PROSER2: variants seen among roughly 807,000 people sequenced by gnomAD.
The protein encoded by PROSER2 is proline and serine-rich protein 2.
A neutral mutation model predicts 14.6 loss-of-function variants in PROSER2; 18 were observed. That is an observed-to-expected ratio of 1.23 (90% CI 0.85 to 1.83). PROSER2 has a LOEUF of 1.83. Among genes scored for constraint, PROSER2 ranks in the 40% most tolerant of loss-of-function variants. The pLI is 0.00. For synonymous variants in PROSER2, 367 were observed against 286.4 expected (o/e 1.28, Z -2.84); for missense variants, 823 against 629.8 (o/e 1.31, Z -3.28).
intron 2 of PROSER2, among the ~76,000 whole-genome samples, chr10:11,859,450 G>T (rs1360187610): frequency 6.6e-6 from 1 of 152,118 alleles, no homozygotes; most frequent in Non-Finnish European, 1.5e-5. Flanking sequence ...AAAAAAATTT[G>T]TGAGAAGGGA....
chr10:11,856,113 C>T lies in PROSER2; in HGVS notation c.138+3898C>T, dbSNP rs945646694. On this transcript the variant is annotated intron_variant, in intron 2 of 3. Coordinates refer to ENST00000277570, the MANE Select transcript of PROSER2 (RefSeq NM_153256.4). This position sits in a 1 kb window ranked among gnomAD's most constrained non-coding sequence, Gnocchi z 5.3. ...GTGTGTGCAAGGCGGTGCTTCCTGA[C>T]AACGTCGGGAGTGTGCTTGTGGAGC... Among the ~76,000 whole-genome samples, 3 of 152,224 alleles carry T rather than the reference C, an allele frequency of 2.0e-5. No individual in the cohort carries two copies. The highest frequency in any genetic ancestry group is 4.8e-5 in the African/African-American group (2 of 41,458).
intron 1 of PROSER2, among the ~76,000 whole-genome samples, chr10:11,834,661 G>A (rs565450713): frequency 1.3e-5 from 2 of 152,210 alleles, no homozygotes; most frequent in African/African-American, 4.8e-5. Context: ...TTTGAACCCA[G>A]GTGGTGGAGG....
chr10:11,852,335 G>A, intron 2 of PROSER2, 120 bp downstream of exon 2: 1 of 1,095,398 alleles, frequency 9.1e-7, no homozygotes, highest in Non-Finnish European at 1.3e-6. Context: ...TTGATGTTCT[G>A]GAATACTTCT....
Position 11,862,810 on chromosome 10 carries a change from T to A in PROSER2, c.139-3721T>A, listed in dbSNP as rs1258274778. 6.6e-6 allele frequency: 1 copy of A among 151,978 alleles called. No homozygotes were observed. The highest frequency in any genetic ancestry group is 1.5e-5 in the Non-Finnish European group (1 of 68,006). The allele number at this position is 151,978 out of a possible 1,614,324, so 9.4% of individuals were successfully genotyped here. ...TATCCCAAACATTTCCGATGAGGAG[T>A]ACTCACCTGTATTATGGAGAAAAAA... On this transcript the variant is annotated intron_variant, in intron 2 of 3. Coordinates refer to ENST00000277570, the MANE Select transcript of PROSER2 (RefSeq NM_153256.4). The surrounding 1 kb of genome is among the most constrained non-coding windows in gnomAD (Gnocchi z 4.2).
chr10:11,852,230 T>C lies in PROSER2; in HGVS notation c.138+15T>C, dbSNP rs1303998357. The C allele has an allele frequency of 2.5e-6, 4 of 1,593,700 alleles. No individual in the cohort carries two copies. The highest frequency in any genetic ancestry group is 3.4e-6 in the Non-Finnish European group (4 of 1,167,574). ...GCTTCACTTTGGTGAGTGACAGTTT[T>C]TCTTTCATGCTTTCCTGTGCCTGGG... On this transcript the variant is annotated intron_variant, in intron 2 of 3. Coordinates refer to ENST00000277570, the MANE Select transcript of PROSER2 (RefSeq NM_153256.4).
At chr10:11,841,054 C>G (rs1298837596) in intron 1 of PROSER2, among the ~76,000 whole-genome samples, 1 of 128,798 alleles carries the variant, frequency 7.8e-6, no homozygotes, top group Non-Finnish European at 1.6e-5. Flanking sequence ...TTATTTGTTC[C>G]TTGAATGTTT....
intron 1 of PROSER2, among the ~76,000 whole-genome samples, chr10:11,840,637 A>G (rs1199541951): frequency 1.3e-5 from 2 of 152,006 alleles, no homozygotes; most frequent in Non-Finnish European, 2.9e-5. Context: ...TCAAAATTAG[A>G]TAGTGGGGGC....
rs2131052645 is a variant in PROSER2, at chr10:11,836,471, A to G, written c.-82+13001A>G. ...CTCGGCCTCCCAAAGTGCTGGGATT[A>G]CAGGTGTGAGCCACCACGCCTGGCC... On this transcript the variant is annotated intron_variant, in intron 1 of 3. Coordinates refer to ENST00000277570, the MANE Select transcript of PROSER2 (RefSeq NM_153256.4). The surrounding 1 kb of genome is among the most constrained non-coding windows in gnomAD (Gnocchi z 4.6). 6.6e-6 allele frequency among the ~76,000 whole-genome samples: 1 copy of G among 152,326 alleles called. No individual in the cohort carries two copies. The highest frequency in any genetic ancestry group is 1.5e-5 in the Non-Finnish European group (1 of 68,034).
intron 2 of PROSER2, among the ~76,000 whole-genome samples, chr10:11,853,702 G>A (rs1834072543): frequency 6.6e-6 from 1 of 152,140 alleles, no homozygotes; most frequent in Admixed American, 6.5e-5. Flanking sequence ...ATCTTGTTTG[G>A]ATCCATGCTC....
At chr10:11,864,028 G>GTCT (rs573392119) in intron 2 of PROSER2, among the ~76,000 whole-genome samples, 5 of 152,210 alleles carry the variant, frequency 3.3e-5, no homozygotes, top group Middle Eastern at 3.4e-3. Context: ...CTGGCTCCGT[G>GTCT]TCTTCTGTCT....
chr10:11,837,419 G>C lies in PROSER2; in HGVS notation c.-82+13949G>C, dbSNP rs1320443782. On this transcript the variant is annotated intron_variant, in intron 1 of 3. Transcript: ENST00000277570. This position sits in a 1 kb window ranked among gnomAD's most constrained non-coding sequence, Gnocchi z 4.6. ...CACGAGCTCCGATTGCTGGCAGACG[G>C]GTTGGGATTGGTGCTGTCTGCAGAT... 6.6e-6 allele frequency among the ~76,000 whole-genome samples: 1 copy of C among 152,214 alleles called. No homozygotes were observed. The highest frequency in any genetic ancestry group is 1.5e-5 in the Non-Finnish European group (1 of 68,042).
At position 11,869,451 on chromosome 10, in the gene PROSER2, G is replaced by A. The variant is rs1433701110; in HGVS notation, c.392-39G>A. On this transcript the variant is annotated intron_variant, in intron 3 of 3. Transcript: ENST00000277570. The surrounding 1 kb of genome is among the most constrained non-coding windows in gnomAD (Gnocchi z 4.4). ...GGGAACTTCATGCATTTACTTTCAC[G>A]TGGGCCGGTGGCTCACAGGCTCCTC... 3.3e-6 allele frequency: 5 copies of A among 1,493,252 alleles called. No homozygotes were observed. The highest frequency in any genetic ancestry group is 2.8e-5 in the African/African-American group (2 of 72,538). The allele number at this position is 1,493,252 out of a possible 1,614,324, so 92.5% of individuals were successfully genotyped here.
At chr10:11,858,566 T>C (rs1834168687) in intron 2 of PROSER2, among the ~76,000 whole-genome samples, 2 of 152,242 alleles carry the variant, frequency 1.3e-5, no homozygotes, top group Admixed American at 6.5e-5. Flanking sequence ...TTCAGCATTT[T>C]GAGTTTTCTG....
rs558283551 is a variant in PROSER2, at chr10:11,842,931, C to CTTTTTTTTTTTTTTT, written c.-81-9053_-81-9039dup. Among the ~76,000 whole-genome samples, 303 of 51,944 alleles carry CTTTTTTTTTTTTTTT rather than the reference C, an allele frequency of 5.8e-3. 38 individuals are homozygous for CTTTTTTTTTTTTTTT. The highest frequency in any genetic ancestry group is 0.017 in the Middle Eastern group (1 of 60). The allele number at this position is 51,944 out of a possible 152,430, so 34.1% of individuals were successfully genotyped here. A position where few individuals can be genotyped will look rare whatever the true frequency, so the allele number is the denominator to read the frequency against. On this transcript the variant is annotated intron_variant, in intron 1 of 3. Transcript: ENST00000277570. The stretch of plus-strand genomic sequence containing the variant: ...TTTTCTATACTATTTTGCCATTGTT[C>CTTTTTTTTTTTTTTT]TTTTTTTTTTTTTTTTTTTTTTTTT...
intron 1 of PROSER2, among the ~76,000 whole-genome samples, chr10:11,834,734 C>G (rs955071280): frequency 2.6e-5 from 4 of 151,570 alleles, no homozygotes; most frequent in Middle Eastern, 3.4e-3. Context: ...GACTCCATCT[C>G]AAAAAAATAA....
intron 1 of PROSER2, among the ~76,000 whole-genome samples, chr10:11,839,333 C>T (rs1239491553): frequency 6.6e-6 from 1 of 151,988 alleles, no homozygotes; most frequent in African/African-American, 2.4e-5. Context: ...CCTAAATTTG[C>T]AAAAACACAA....
chr10:11,860,872 A>G (rs1416250846), intron 2 of PROSER2, among the ~76,000 whole-genome samples: 1 of 152,008 alleles, frequency 6.6e-6, no homozygotes, highest in East Asian at 1.9e-4. Context: ...TTGGGAGGCC[A>G]AGGTGGGTGA....
chr10:11,856,365 C>G lies in PROSER2; in HGVS notation c.138+4150C>G, dbSNP rs1005671130. 1.3e-5 allele frequency among the ~76,000 whole-genome samples: 2 copies of G among 152,208 alleles called. No individual in the cohort carries two copies. Among genetic ancestry groups the G allele is most frequent in the African/African-American group, 2.4e-5 (1 of 41,448 alleles). ...TGCCTCACACCAGCGTTCCCAGGCT[C>G]TCACTCTGAATGAGGTCCTGAAGTC... On this transcript the variant is annotated intron_variant, in intron 2 of 3. Coordinates refer to ENST00000277570, the MANE Select transcript of PROSER2 (RefSeq NM_153256.4). The surrounding 1 kb of genome is among the most constrained non-coding windows in gnomAD (Gnocchi z 5.3).
chr10:11,865,805 C>T lies in PROSER2; in HGVS notation c.139-726C>T, dbSNP rs2131092038. On this transcript the variant is annotated intron_variant, in intron 2 of 3. Transcript: ENST00000277570. This position sits in a 1 kb window ranked among gnomAD's most constrained non-coding sequence, Gnocchi z 4.2. ...TCGAGAGTAACTGGCGAGTTTTGTG[C>T]CGGGATGAGCTCATTGCTTCTGAAA... 1.3e-5 allele frequency among the ~76,000 whole-genome samples: 2 copies of T among 152,272 alleles called. No homozygotes were observed. The highest frequency in any genetic ancestry group is 3.4e-3 in the Middle Eastern group (1 of 294).
Sources: gnomAD v4.1 joint callset for allele counts (sites outside exome capture counted in the v4.1 genomes callset) on GRCh38, gnomAD v4.1.1 for gene constraint, Gnocchi (gnomAD v3.1) non-coding constraint, MANE v1.5 for transcripts, NCBI Gene and HGNC (gene_info 2026-07-23, HGNC 2026-07-21) for gene names.